Variants in PCBP3 observed in about 807,000 individuals in gnomAD.
The protein encoded by PCBP3 is poly(rC)-binding protein 3.
PCBP3 carries 25 observed loss-of-function variants against 52.7 expected under a neutral mutation model. The ratio of observed to expected loss-of-function variants is 0.47; its 90% CI spans 0.35 to 0.66. The LOEUF (loss-of-function observed/expected upper bound fraction) is 0.66, where lower values mean the gene tolerates loss of function less well. Ranked by LOEUF, PCBP3 falls within the 30% of genes least tolerant of loss-of-function variation. PCBP3 has a pLI of 0.01. For synonymous variants in PCBP3, 162 were observed against 183.0 expected (o/e 0.89, Z 0.93); for missense variants, 391 against 490.3 (o/e 0.80, Z 1.91).
chr21:45,818,924 A>G (rs2093045685), intron 4 of PCBP3, among the ~76,000 whole-genome samples: 1 of 152,254 alleles, frequency 6.6e-6, no homozygotes, highest in South Asian at 2.1e-4. Flanking sequence ...GCTGCATGCT[A>G]TACGATTCCA....
intron 3 of PCBP3, chr21:45,752,798 G>A (rs2087648063): frequency 6.6e-6 from 1 of 151,742 alleles, no homozygotes; most frequent in Admixed American, 6.6e-5. Context: ...TACGCTTTCT[G>A]TATATGGCCA....
At chr21:45,670,561 G>A (rs3920695) in intron 2 of PCBP3, among the ~76,000 whole-genome samples, 31,557 of 152,062 alleles carry the variant, frequency 0.21, 3,677 homozygotes, top group Middle Eastern at 0.34. Flanking sequence ...AAAGGAGCAA[G>A]CTTAATCCAG....
At chr21:45,806,783 G>A (rs1353864929) in intron 4 of PCBP3, among the ~76,000 whole-genome samples, 1 of 152,022 alleles carries the variant, frequency 6.6e-6, no homozygotes. Flanking sequence ...CCTGCATTCA[G>A]AATTCCACTT....
At chr21:45,842,215 G>T (rs1406844784) in intron 4 of PCBP3, among the ~76,000 whole-genome samples, 1 of 152,118 alleles carries the variant, frequency 6.6e-6, no homozygotes, top group African/African-American at 2.4e-5. Context: ...TTTTTGTTGT[G>T]TTGTGTTGTG....
intron 2 of PCBP3, among the ~76,000 whole-genome samples, chr21:45,734,067 T>C (rs1280771436): frequency 6.6e-6 from 1 of 152,240 alleles, no homozygotes; most frequent in Non-Finnish European, 1.5e-5. Flanking sequence ...TTTTGAACTA[T>C]GTTTTGGAAT....
intron 16 of PCBP3, among the ~76,000 whole-genome samples, chr21:45,938,162 C>G (rs570058849): frequency 1.4e-4 from 22 of 152,302 alleles, no homozygotes; most frequent in Non-Finnish European, 3.1e-4. Context: ...GCAGGAGGGG[C>G]AGGGAGATAC....
At position 45,794,139 on chromosome 21, in the gene PCBP3, T is replaced by C. The variant is rs114236897; in HGVS notation, c.-126+38687T>C. 4.5e-3 allele frequency among the ~76,000 whole-genome samples: 687 copies of C among 152,320 alleles called. 2 individuals are homozygous for C. Among genetic ancestry groups the C allele is most frequent in the African/African-American group, 0.015 (640 of 41,568 alleles). ...AGCTTACTAAACTTCAGGGTTTTTT[T>C]CAGGGGAAATTTATAGATGCTACTC... is the stretch of plus-strand genomic sequence containing the variant. On this transcript the variant is annotated intron_variant, in intron 4 of 17. Transcript: ENST00000681687.
intron 5 of PCBP3, among the ~76,000 whole-genome samples, chr21:45,876,290 A>G (rs1436645225): frequency 1.3e-5 from 2 of 152,126 alleles, no homozygotes; most frequent in Non-Finnish European, 2.9e-5. Context: ...AGCATTTGAA[A>G]GAATTGGAAC....
chr21:45,772,439 C>T lies in PCBP3; in HGVS notation c.-126+16987C>T, dbSNP rs535137019. On this transcript the variant is annotated intron_variant, in intron 4 of 17. Transcript: ENST00000681687. ...CATAGTATTCCTTTGTGTATATATA[C>T]TACATCTTCTCTATCCATTCACCCT... Among the ~76,000 whole-genome samples the T allele has an allele frequency of 2.6e-5, 4 of 152,204 alleles. No homozygotes were observed. In the East Asian group the frequency reaches 7.7e-4, roughly 29 times the overall value.
At chr21:45,718,884 C>G (rs2084412456) in intron 2 of PCBP3, among the ~76,000 whole-genome samples, 1 of 152,104 alleles carries the variant, frequency 6.6e-6, no homozygotes. Flanking sequence ...TGAATGGCTT[C>G]TAAATGTCAC....
chr21:45,781,973 T>G (rs183534438), intron 4 of PCBP3, among the ~76,000 whole-genome samples: 1 of 152,330 alleles, frequency 6.6e-6, no homozygotes, highest in Admixed American at 6.5e-5. Flanking sequence ...TTCTTACTCA[T>G]CATAACTCTC....
chr21:45,811,274 C>T (rs983278267), intron 4 of PCBP3, among the ~76,000 whole-genome samples: 4 of 152,222 alleles, frequency 2.6e-5, no homozygotes, highest in African/African-American at 7.2e-5. Context: ...AGCAGGAGGC[C>T]CCACTGGGCT....
At chr21:45,809,554 G>A (rs766697863) in intron 4 of PCBP3, among the ~76,000 whole-genome samples, 2 of 152,196 alleles carry the variant, frequency 1.3e-5, no homozygotes, top group Admixed American at 6.5e-5. Flanking sequence ...GAGCACAATC[G>A]TGCTCGGCTC....
At chr21:45,749,758 G>A (rs1404342478) in intron 3 of PCBP3, 2 of 152,234 alleles carry the variant, frequency 1.3e-5, no homozygotes, top group Non-Finnish European at 2.9e-5. Flanking sequence ...TCCTGGGAAT[G>A]GGGGTGTCCT....
intron 3 of PCBP3, among the ~76,000 whole-genome samples, chr21:45,739,586 G>GGC (rs2086237755): frequency 7.1e-5 from 2 of 28,012 alleles, no homozygotes; most frequent in African/African-American, 2.2e-4. Context: ...TCCTCTGGGT[G>GGC]CCCCCCCCCA....
intron 4 of PCBP3, among the ~76,000 whole-genome samples, chr21:45,757,059 T>A (rs886747922): frequency 6.6e-6 from 1 of 152,234 alleles, no homozygotes; most frequent in African/African-American, 2.4e-5. Flanking sequence ...AGTAGAAGTG[T>A]AGTGTCATAT....
intron 2 of PCBP3, among the ~76,000 whole-genome samples, chr21:45,731,984 T>C (rs2085489952): frequency 6.6e-6 from 1 of 152,190 alleles, no homozygotes; most frequent in South Asian, 2.1e-4. Flanking sequence ...TTTCACTTCT[T>C]TTTGTAGATC....
At chr21:45,657,485 C>G (rs1235440230) in intron 1 of PCBP3, among the ~76,000 whole-genome samples, 1 of 152,200 alleles carries the variant, frequency 6.6e-6, no homozygotes, top group African/African-American at 2.4e-5. Flanking sequence ...TCTGAACTCT[C>G]AACTCTATTC....
At chr21:45,764,552 T>C (rs968514705) in intron 4 of PCBP3, among the ~76,000 whole-genome samples, 1 of 152,234 alleles carries the variant, frequency 6.6e-6, no homozygotes, top group African/African-American at 2.4e-5. Flanking sequence ...TTAACCCTGC[T>C]GCCCACCATG....
Sources: gnomAD v4.1 joint callset for allele counts (sites outside exome capture counted in the v4.1 genomes callset) on GRCh38, gnomAD v4.1.1 for gene constraint, MANE v1.5 for transcripts, NCBI Gene and HGNC (gene_info 2026-07-23, HGNC 2026-07-21) for gene names.